The following RRP15 variants were observed in gnomAD, a reference collection of about 807,000 sequenced individuals.
RRP15 encodes the protein ribosomal RNA processing 15 homolog.
A neutral mutation model predicts 27.1 loss-of-function variants in RRP15; 18 were observed. The ratio of observed to expected loss-of-function variants is 0.66; its 90% CI spans 0.46 to 0.98. The LOEUF (loss-of-function observed/expected upper bound fraction) is 0.98. Ranked by LOEUF, RRP15 falls within the 50% of genes least tolerant of loss-of-function variation. The pLI, the probability that RRP15 is intolerant of heterozygous loss-of-function variation, is 0.00. For synonymous variants in RRP15, 107 were observed against 109.4 expected (o/e 0.98, Z 0.14); for missense variants, 359 against 337.8 (o/e 1.06, Z -0.49).
chr1:218,321,814 GAA>G (rs1656191950), intron 4 of RRP15, among the ~76,000 whole-genome samples: 1 of 151,804 alleles, frequency 6.6e-6, no homozygotes, highest in Non-Finnish European at 1.5e-5. Context: ...GACACATTTA[GAA>G]TTTGCCTCAG....
At position 218,334,291 on chromosome 1, in the gene RRP15, T is replaced by C. The variant is rs1656416526; in HGVS notation, c.*3200T>C. The C allele has an allele frequency of 6.6e-6, 1 of 152,170 alleles. No individual in the cohort carries two copies. Among genetic ancestry groups the C allele is most frequent in the Non-Finnish European group, 1.5e-5 (1 of 68,020 alleles). 9.4% of individuals were successfully genotyped at this position (152,170 alleles called of 1,614,324 possible). The stretch of plus-strand genomic sequence containing the variant: ...CTTGGAAACCCTTTGGATAGAACAG[T>C]TCAGAGGGTTACCACTAGTACTTAG... On this transcript the variant is annotated 3_prime_UTR_variant, in exon 5 of 5. Coordinates refer to ENST00000366932, the MANE Select transcript of RRP15 (RefSeq NM_016052.4).
At chr1:218,296,852 G>C (rs1305510745) in intron 1 of RRP15, among the ~76,000 whole-genome samples, 1 of 151,956 alleles carries the variant, frequency 6.6e-6, no homozygotes, top group Non-Finnish European at 1.5e-5. Context: ...TGGCATACGA[G>C]TTATAAACTA....
At position 218,333,340 on chromosome 1, in the gene RRP15, T is replaced by C. The variant is rs1656402069; in HGVS notation, c.*2249T>C. The C allele has an allele frequency of 6.6e-6, 1 of 152,216 alleles. No individual in the cohort carries two copies. Among genetic ancestry groups the C allele is most frequent in the Non-Finnish European group, 1.5e-5 (1 of 68,028 alleles). The allele number at this position is 152,216 out of a possible 1,614,324, so 9.4% of individuals were successfully genotyped here. The stretch of plus-strand genomic sequence containing the variant: ...ATATGTATAAATATGAAACCAGGAA[T>C]GTGCATATTTTAGAAACTAATTGTG... On this transcript the variant is annotated 3_prime_UTR_variant, in exon 5 of 5. Transcript: ENST00000366932.
intron 4 of RRP15, among the ~76,000 whole-genome samples, chr1:218,313,279 C>G (rs568181615): frequency 6.6e-6 from 1 of 151,940 alleles, no homozygotes; most frequent in African/African-American, 2.4e-5. Context: ...GGGGAGAGAA[C>G]GTGAACTAAG....
intron 4 of RRP15, 133 bp downstream of exon 4, chr1:218,307,765 C>T (rs1018913221): frequency 3.8e-5 from 25 of 657,586 alleles, no homozygotes; most frequent in African/African-American, 1.6e-4. Context: ...CCTCCATGCC[C>T]GCAACCTTTA....
chr1:218,325,169 G>C (rs1368573429), intron 4 of RRP15, among the ~76,000 whole-genome samples: 4 of 152,304 alleles, frequency 2.6e-5, no homozygotes, highest in African/African-American at 7.2e-5. Flanking sequence ...TACAGTGACA[G>C]ATGTCATGGT....
chr1:218,321,687 A>G (rs753694525), intron 4 of RRP15, among the ~76,000 whole-genome samples: 5 of 152,182 alleles, frequency 3.3e-5, no homozygotes, highest in Non-Finnish European at 7.4e-5. Flanking sequence ...TAAAAAGAAT[A>G]TACCAAATTG....
rs748666253 is a variant in RRP15 at position 218,289,676 on chromosome 1, C to T, written c.139+4221C>T. Among the ~76,000 whole-genome samples, 12 of 152,106 alleles carry T rather than the reference C, an allele frequency of 7.9e-5. No homozygotes were observed. In the South Asian group the frequency reaches 8.3e-4, roughly 11 times the overall value. ...TGTTGCCACTACTTTAGTTCTTGCC[C>T]GCATCTCTCTCTCTCTCTTTTTTGA... is the stretch of plus-strand genomic sequence containing the variant. On this transcript the variant is annotated intron_variant, in intron 1 of 4. Transcript: ENST00000366932.
Position 218,336,171 on chromosome 1 carries a change from A to C in RRP15, c.*5080A>C, listed in dbSNP as rs541630068. 3.9e-4 allele frequency: 59 copies of C among 152,328 alleles called. No individual in the cohort carries two copies. Among genetic ancestry groups the C allele is most frequent in the African/African-American group, 1.4e-3 (59 of 41,520 alleles). 9.4% of individuals were successfully genotyped at this position (152,328 alleles called of 1,614,324 possible). ...TAAGTGTATTTAGTTGTAGGACCTT[A>C]GAGTTGCCTAGGTCCATTCTATTCT... On this transcript the variant is annotated 3_prime_UTR_variant, in exon 5 of 5. Coordinates refer to ENST00000366932, the MANE Select transcript of RRP15 (RefSeq NM_016052.4).
chr1:218,314,775 A>G (rs527383566), intron 4 of RRP15, among the ~76,000 whole-genome samples: 107 of 152,046 alleles, frequency 7.0e-4, no homozygotes, highest in Middle Eastern at 3.4e-3. Context: ...GGCTGATCAC[A>G]AGGTCAGGAG....
rs887688450 is a variant in RRP15 at position 218,334,218 on chromosome 1, T to G, written c.*3127T>G. On this transcript the variant is annotated 3_prime_UTR_variant, in exon 5 of 5. Coordinates refer to ENST00000366932, the MANE Select transcript of RRP15 (RefSeq NM_016052.4). ...GCACTGAATTTATTTTCAAATTACCTAGAATTCTGCATTGCTCAAACATTA... is the reference window on the plus strand; with the variant it reads ...GCACTGAATTTATTTTCAAATTACCGAGAATTCTGCATTGCTCAAACATTA... 2 of 152,138 alleles carry G rather than the reference T, an allele frequency of 1.3e-5. No individual in the cohort carries two copies. Among genetic ancestry groups the G allele is most frequent in the Admixed American group, 6.5e-5 (1 of 15,282 alleles). 9.4% of individuals were successfully genotyped at this position (152,138 alleles called of 1,614,324 possible). A position where few individuals can be genotyped will look rare whatever the true frequency, so the allele number is the denominator to read the frequency against.
chr1:218,314,075 G>A (rs1323211461), intron 4 of RRP15, among the ~76,000 whole-genome samples: 4 of 151,180 alleles, frequency 2.6e-5, no homozygotes, highest in Admixed American at 1.3e-4. Flanking sequence ...GCCTGGTCTC[G>A]AACTCCTGGG....
At chr1:218,291,540 T>C (rs1655641497) in intron 1 of RRP15, among the ~76,000 whole-genome samples, 5 of 143,652 alleles carry the variant, frequency 3.5e-5, no homozygotes, top group African/African-American at 1.3e-4. Context: ...TTTTTTTTTT[T>C]TTTTTTTTTT....
intron 4 of RRP15, among the ~76,000 whole-genome samples, chr1:218,307,902 A>G (rs990872088): frequency 1.3e-5 from 2 of 152,074 alleles, no homozygotes; most frequent in African/African-American, 4.8e-5. Context: ...CTTACAAAAT[A>G]TGAAGAGTCA....
intron 1 of RRP15, among the ~76,000 whole-genome samples, chr1:218,290,187 A>C (rs12085522): frequency 0.029 from 4,467 of 152,290 alleles, 87 homozygotes; most frequent in East Asian, 0.072. Flanking sequence ...GAGTAACTGG[A>C]AACATGACCA....
intron 2 of RRP15, among the ~76,000 whole-genome samples, chr1:218,304,174 TAGA>T (rs1343795351): frequency 1.3e-5 from 2 of 152,168 alleles, no homozygotes. Context: ...AAATGAGAAA[TAGA>T]AGAGTAAAGG....
rs115603566 is a variant in RRP15, at chr1:218,331,278, A to G, written c.*187A>G. On this transcript the variant is annotated 3_prime_UTR_variant, in exon 5 of 5. Coordinates refer to ENST00000366932, the MANE Select transcript of RRP15 (RefSeq NM_016052.4). ...TTAAAATTATATTTTAAACCCTTGTATAATTTTAAGCATTGTTCCTCAGAA... is the reference window on the plus strand; with the variant it reads ...TTAAAATTATATTTTAAACCCTTGTGTAATTTTAAGCATTGTTCCTCAGAA... 2.0e-3 allele frequency: 922 copies of G among 449,802 alleles called. 9 individuals carry two copies. Among genetic ancestry groups the G allele is most frequent in the African/African-American group, 0.015 (774 of 50,182 alleles). The allele number at this position is 449,802 out of a possible 1,614,324, so 27.9% of individuals were successfully genotyped here. A position where few individuals can be genotyped will look rare whatever the true frequency, so the allele number is the denominator to read the frequency against.
At position 218,337,493 on chromosome 1, in the gene RRP15, T is replaced by C. The variant is rs899170066; in HGVS notation, c.*6402T>C. 1 of 152,206 alleles carries C rather than the reference T, an allele frequency of 6.6e-6. No individual in the cohort carries two copies. The highest frequency in any genetic ancestry group is 1.5e-5 in the Non-Finnish European group (1 of 68,032). The allele number at this position is 152,206 out of a possible 1,614,324, so 9.4% of individuals were successfully genotyped here. On this transcript the variant is annotated 3_prime_UTR_variant, in exon 5 of 5. Coordinates refer to ENST00000366932, the MANE Select transcript of RRP15 (RefSeq NM_016052.4). ...AAACTATCGAACCACCAGTCTTCTG[T>C]CAATTCCTTTTAAAATGATGGTTGT...
chr1:218,328,856 G>A (rs1399417840), intron 4 of RRP15, among the ~76,000 whole-genome samples: 1 of 152,020 alleles, frequency 6.6e-6, no homozygotes, highest in Non-Finnish European at 1.5e-5. Flanking sequence ...TGCTCTTTCG[G>A]TAACGTGTTG....
Sources: gnomAD v4.1 joint callset for allele counts (sites outside exome capture counted in the v4.1 genomes callset) on GRCh38, gnomAD v4.1.1 for gene constraint, MANE v1.5 for transcripts, NCBI Gene and HGNC (gene_info 2026-07-23, HGNC 2026-07-21) for gene names.